ADGRV1: variants seen among roughly 807,000 people sequenced by gnomAD.
ADGRV1 encodes adhesion G protein-coupled receptor V1.
Under a neutral mutation model 596.2 loss-of-function variants are expected in ADGRV1, and 359 were observed. The ratio of observed to expected loss-of-function variants is 0.60; its 90% CI spans 0.55 to 0.66. The LOEUF (loss-of-function observed/expected upper bound fraction) is 0.66, where lower values mean the gene tolerates loss of function less well. Among genes scored for constraint, ADGRV1 ranks in the 30% least tolerant of loss-of-function variants. ADGRV1 has a pLI of 0.00. For synonymous variants in ADGRV1, 2,681 were observed against 2,679.2 expected (o/e 1.00, Z -0.02); for missense variants, 7,274 against 7,575.6 (o/e 0.96, Z 1.48).
intron 85 of ADGRV1, among the ~76,000 whole-genome samples, chr5:91,054,233 C>G (rs1786633452): frequency 6.6e-6 from 1 of 151,928 alleles, no homozygotes; most frequent in Non-Finnish European, 1.5e-5. Context: ...TAGTTCAATC[C>G]TAGTTTATTT....
rs546022351 is a variant in ADGRV1 at position 90,847,770 on chromosome 5, G to T, written c.17020-867G>T. Among the ~76,000 whole-genome samples, 203 of 152,310 alleles carry T rather than the reference G, an allele frequency of 1.3e-3. 2 individuals are homozygous for T. Among genetic ancestry groups the T allele is most frequent in the African/African-American group, 4.5e-3 (188 of 41,574 alleles). On this transcript the variant is annotated intron_variant, in intron 78 of 89. Coordinates refer to ENST00000405460, the MANE Select transcript of ADGRV1 (RefSeq NM_032119.4). ...GCAGGGCTGGCTGGCCGCTGAATGC[G>T]GGGCCCACTGAGCCCACGCCCACCC...
intron 63 of ADGRV1, 115 bp downstream of exon 63, chr5:90,778,724 T>C (rs1169732416): frequency 4.8e-6 from 5 of 1,033,840 alleles, no homozygotes; most frequent in Non-Finnish European, 6.8e-6. Flanking sequence ...CAAACATCAT[T>C]ATTTTAACAT....
chr5:91,004,203 G>GTGT (rs1426646254), intron 85 of ADGRV1, among the ~76,000 whole-genome samples: 1 of 152,062 alleles, frequency 6.6e-6, no homozygotes, highest in Non-Finnish European at 1.5e-5. Flanking sequence ...AAGCATCTAG[G>GTGT]TGTTCTAAGT....
intron 83 of ADGRV1, among the ~76,000 whole-genome samples, chr5:90,960,153 A>C (rs200506995): frequency 6.9e-6 from 1 of 144,454 alleles, no homozygotes; most frequent in Non-Finnish European, 1.5e-5. Flanking sequence ...AAAAAAAAAA[A>C]CAAAAAACAG....
Position 90,924,221 on chromosome 5 carries a change from G to A in ADGRV1, c.17857-41194G>A, listed in dbSNP as rs1774184318. On this transcript the variant is annotated intron_variant, in intron 83 of 89. Transcript: ENST00000405460. ...GAATCATCACACTGACTTCCACAAT[G>A]GTTGAACTAGTTTACAGTCCCACCA... 1.4e-4 allele frequency among the ~76,000 whole-genome samples: 22 copies of A among 151,788 alleles called. 1 individual carries two copies. The South Asian group carries it at 4.6e-3, about 31-fold the overall frequency.
chr5:91,016,497 T>C (rs1783185956), intron 85 of ADGRV1, among the ~76,000 whole-genome samples: 1 of 151,972 alleles, frequency 6.6e-6, no homozygotes, highest in African/African-American at 2.4e-5. Context: ...CCTCTGGACT[T>C]TGGAGGTAGG....
chr5:90,761,529 C>T (rs1363972469), intron 58 of ADGRV1, among the ~76,000 whole-genome samples: 4 of 152,192 alleles, frequency 2.6e-5, no homozygotes, highest in Non-Finnish European at 5.9e-5. Context: ...GGGCACTGGA[C>T]AGTGTGTTTA....
intron 47 of ADGRV1, 149 bp from the exon 48 acceptor site, chr5:90,725,400 C>T (rs1378603105): frequency 2.9e-6 from 2 of 693,564 alleles, no homozygotes; most frequent in Non-Finnish European, 4.7e-6. Flanking sequence ...ATATTTTTGT[C>T]TTTTTAAAAT....
At chr5:90,630,077 A>G (rs1432311283) in intron 9 of ADGRV1, 1 of 152,300 alleles carries the variant, frequency 6.6e-6, no homozygotes, top group East Asian at 1.9e-4. Flanking sequence ...AGTTCACTGC[A>G]GCCTCCACGT....
chr5:90,718,262 C>T lies in ADGRV1; in HGVS notation c.9447+1533C>T, dbSNP rs1044500524. 2.0e-5 allele frequency: 3 copies of T among 152,272 alleles called. No homozygotes were observed. In the South Asian group the frequency reaches 6.2e-4, roughly 32 times the overall value. The allele number at this position is 152,272 out of a possible 1,614,324, so 9.4% of individuals were successfully genotyped here. Reference sequence around the variant, plus strand: ...TTACCCTTTTGTGTCTGACTTCCTTCGCTTAGCAAAATGTTTTCAAGGTGC... The same window carrying T: ...TTACCCTTTTGTGTCTGACTTCCTTTGCTTAGCAAAATGTTTTCAAGGTGC... On this transcript the variant is annotated intron_variant, in intron 43 of 89. Coordinates refer to ENST00000405460, the MANE Select transcript of ADGRV1 (RefSeq NM_032119.4).
chr5:90,652,318 T>C, intron 18 of ADGRV1, 28 bp from the exon 19 acceptor site: 1 of 1,476,402 alleles, frequency 6.8e-7, no homozygotes, highest in Non-Finnish European at 9.2e-7. Flanking sequence ...ATTCACTACT[T>C]ATAAATTTTC....
chr5:90,805,315 T>C lies in ADGRV1; in HGVS notation c.14693T>C (p.Met4898Thr), dbSNP rs555927844. ...VGFESTAFQL[M>T]NITAGTSHVM... The stretch of plus-strand genomic sequence containing the variant: ...TTTGAATCCACTGCTTTTCAACTCA[T>C]GAACATCACTGCTGGCACAAGCCAC... Residue 4898 changes from methionine (M) to threonine (T), a missense_variant, in exon 72 of 90, where the codon ATG becomes ACG. By Grantham distance (81) the Met-to-Thr change is moderately conservative. Around this residue, in one of 5 missense-constraint regions of ADGRV1, gnomAD observed 1,874 missense variants for 1,970.2 expected, o/e 0.95. Coordinates refer to ENST00000405460, the MANE Select transcript of ADGRV1 (RefSeq NM_032119.4). The C allele has an allele frequency of 4.3e-6, 7 of 1,612,900 alleles. No individual in the cohort carries two copies. The highest frequency in any genetic ancestry group is 3.3e-5 in the Admixed American group (2 of 60,000).
chr5:90,569,700 GTTGT>G (rs771356992), intron 1 of ADGRV1, among the ~76,000 whole-genome samples: 2 of 150,792 alleles, frequency 1.3e-5, no homozygotes, highest in Non-Finnish European at 3.0e-5. Context: ...TAATTTTGTG[GTTGT>G]TTCTTTTATT....
At chr5:91,065,162 G>A (rs1050461002) in intron 85 of ADGRV1, among the ~76,000 whole-genome samples, 8 of 152,170 alleles carry the variant, frequency 5.3e-5, no homozygotes, top group Non-Finnish European at 7.4e-5. Context: ...ATCATCCCAT[G>A]TACTCCCCAT....
At chr5:90,765,240 C>G (rs1424989407) in intron 59 of ADGRV1, among the ~76,000 whole-genome samples, 2 of 152,294 alleles carry the variant, frequency 1.3e-5, no homozygotes, top group East Asian at 3.9e-4. Flanking sequence ...GCTCGAGGCA[C>G]TGGGCACTGT....
At chr5:90,664,836 G>T (rs199913207) in intron 21 of ADGRV1, among the ~76,000 whole-genome samples, 97,420 of 136,506 alleles carry the variant, frequency 0.71, 35,837 homozygotes, top group African/African-American at 0.86. Context: ...GTTGTTGAAT[G>T]TTGTCAAAGG....
chr5:90,783,044 TTGCCAGGTTTAATTTGGC>T, intron 65 of ADGRV1, 62 bp from the exon 66 acceptor site: 1 of 1,109,588 alleles, frequency 9.0e-7, no homozygotes, highest in Non-Finnish European at 1.4e-6. Context: ...TTATGTTTAA[TTGCCAGGTTTAATTTGGC>T]TGAATCTTAT....
chr5:90,906,883 T>C (rs1772373959), intron 83 of ADGRV1, among the ~76,000 whole-genome samples: 1 of 152,152 alleles, frequency 6.6e-6, no homozygotes, highest in African/African-American at 2.4e-5. Flanking sequence ...ATTGCTAGAC[T>C]CATGATCCGG....
At position 90,653,546 on chromosome 5, in the gene ADGRV1, A is replaced by T. The variant is rs918213765; in HGVS notation, c.3972A>T (p.Gly1324=). The T allele has an allele frequency of 2.3e-5, 37 of 1,613,808 alleles. No individual in the cohort carries two copies. The highest frequency in any genetic ancestry group is 2.5e-5 in the Non-Finnish European group (30 of 1,179,886). The change falls in exon 20 of 90, where the codon GGA becomes GGT. Residue 1324 remains glycine, a synonymous_variant. Transcript: ENST00000405460. Reference sequence around the variant, plus strand: ...AGCACATGCGGCGTCACCACAGTGGAACGGATGCTTTGTACTTTACCGGAC... The same window carrying T: ...AGCACATGCGGCGTCACCACAGTGGTACGGATGCTTTGTACTTTACCGGAC... ...LQQHMRRHHS[G]TDALYFTGLE...
Sources: allele counts gnomAD v4.1 joint callset (sites outside exome capture counted in the v4.1 genomes callset), GRCh38; gene constraint gnomAD v4.1.1; regional missense constraint gnomAD v4.1.1; transcripts MANE v1.5; gene names NCBI Gene and HGNC (gene_info 2026-07-23, HGNC 2026-07-21).